SIPA1L2: variants seen among roughly 807,000 people sequenced by gnomAD.
SIPA1L2 encodes signal-induced proliferation-associated 1-like protein 2.
In SIPA1L2, 56 loss-of-function variants were observed where a neutral mutation model predicts 163.9. The ratio of observed to expected loss-of-function variants is 0.34; its 90% CI spans 0.28 to 0.43. SIPA1L2 has a LOEUF of 0.43. SIPA1L2 is among the 20% of genes least tolerant of loss of function. The pLI is 1.00. For synonymous variants in SIPA1L2, 877 were observed against 865.7 expected (o/e 1.01, Z -0.23); for missense variants, 1,974 against 2,193.5 (o/e 0.90, Z 2.00).
intron 3 of SIPA1L2, among the ~76,000 whole-genome samples, chr1:232,509,634 GC>G (rs1666889214): frequency 6.6e-6 from 1 of 152,190 alleles, no homozygotes; most frequent in Non-Finnish European, 1.5e-5. Context: ...AGTGGCTGAA[GC>G]GGGAATGGGA....
At position 232,460,896 on chromosome 1, in the gene SIPA1L2, G is replaced by A. The variant is rs757437957; in HGVS notation, c.3086C>T (p.Ser1029Leu). The A allele has an allele frequency of 2.5e-6, 4 of 1,612,934 alleles. No individual in the cohort carries two copies. Among genetic ancestry groups the A allele is most frequent in the East Asian group, 2.2e-5 (1 of 44,830 alleles). Residue 1029 changes from serine to leucine, a missense_variant, in exon 10 of 23, where the codon TCG (serine) becomes TTG (leucine). Physicochemically the swap from Ser to Leu is moderately radical, Grantham distance 145. Coordinates refer to ENST00000674635, the MANE Select transcript of SIPA1L2 (RefSeq NM_020808.5). The stretch of plus-strand genomic sequence containing the variant: ...GCCTCCCACGCCTTACCTTCGGGGC[G>A]AGCCGTCATCATGGGGCTGGATGAT... Reference protein sequence around the residue: ...VVIIQPHDDGSPRRGCSELCR... With the variant: ...VVIIQPHDDGLPRRGCSELCR...
intron 2 of SIPA1L2, among the ~76,000 whole-genome samples, chr1:232,568,885 C>A (rs183561399): frequency 2.0e-5 from 3 of 152,308 alleles, no homozygotes; most frequent in Non-Finnish European, 4.4e-5. Flanking sequence ...CACTAGTATT[C>A]TCCCAGTATT....
At chr1:232,431,317 A>G (rs1662226005) in intron 16 of SIPA1L2, among the ~76,000 whole-genome samples, 1 of 152,234 alleles carries the variant, frequency 6.6e-6, no homozygotes, top group Admixed American at 6.5e-5. Flanking sequence ...AATGACTGAC[A>G]TGATTTTTTT....
At chr1:232,548,329 TC>T (rs1343621573) in intron 2 of SIPA1L2, among the ~76,000 whole-genome samples, 2 of 152,082 alleles carry the variant, frequency 1.3e-5, no homozygotes, top group Non-Finnish European at 1.5e-5. Flanking sequence ...CCACCCTGAC[TC>T]CCTAGGGGAT....
At position 232,408,727 on chromosome 1, in the gene SIPA1L2, T is replaced by C. The variant is rs192804488; in HGVS notation, c.4763-4549A>G. On this transcript the variant is annotated intron_variant, in intron 19 of 22. Transcript: ENST00000674635. ...TTTGTTTACTGTGGGTTTGGTGTTT[T>C]TTTGCTGGGTAAGTTCCTTTACGTA... is the stretch of plus-strand genomic sequence containing the variant. Among the ~76,000 whole-genome samples, 18 of 152,326 alleles carry C rather than the reference T, an allele frequency of 1.2e-4. No homozygotes were observed. In the East Asian group the frequency reaches 1.5e-3, roughly 13 times the overall value.
intron 6 of SIPA1L2, among the ~76,000 whole-genome samples, chr1:232,481,469 G>C (rs564845848): frequency 0.018 from 1,600 of 88,430 alleles, 32 homozygotes; most frequent in African/African-American, 0.059. Context: ...GATGCATTGC[G>C]GGGGGGAAAA....
At chr1:232,459,082 A>T (rs1664086935) in intron 10 of SIPA1L2, among the ~76,000 whole-genome samples, 1 of 152,244 alleles carries the variant, frequency 6.6e-6, no homozygotes, top group African/African-American at 2.4e-5. Flanking sequence ...TGCTAAGATA[A>T]CTAATAGAGA....
At chr1:232,432,615 C>G in intron 15 of SIPA1L2, 144 bp from the exon 16 acceptor site, 4 of 702,276 alleles carry the variant, frequency 5.7e-6, no homozygotes, top group Non-Finnish European at 4.8e-6. Context: ...AGCCTTCTTT[C>G]TACCATGGAG....
At position 232,586,572 on chromosome 1, in the gene SIPA1L2, C is replaced by A. The variant is rs573729125; in HGVS notation, c.-318-12350G>T. Among the ~76,000 whole-genome samples the A allele has an allele frequency of 9.2e-5, 14 of 152,304 alleles. No individual in the cohort carries two copies. The South Asian group carries it at 1.7e-3, about 18-fold the overall frequency. On this transcript the variant is annotated intron_variant, in intron 1 of 22. Transcript: ENST00000674635. Reference sequence around the variant, plus strand: ...AATAAAATGGGTCAAAATATCAACTCACACAAAAACAGCTACTCTAAATGA... The same window carrying A: ...AATAAAATGGGTCAAAATATCAACTAACACAAAAACAGCTACTCTAAATGA...
At chr1:232,619,413 T>C (rs1350416656) in intron 1 of SIPA1L2, among the ~76,000 whole-genome samples, 1 of 152,226 alleles carries the variant, frequency 6.6e-6, no homozygotes, top group African/African-American at 2.4e-5. Flanking sequence ...TCTGCCCAAG[T>C]TAGTTAGTTC....
At chr1:232,557,686 C>T (rs774844210) in intron 2 of SIPA1L2, among the ~76,000 whole-genome samples, 14 of 152,336 alleles carry the variant, frequency 9.2e-5, no homozygotes, top group African/African-American at 1.2e-4. Flanking sequence ...CACAACCCAA[C>T]ATTACCATTA....
intron 14 of SIPA1L2, 55 bp downstream of exon 14, chr1:232,441,236 T>A: frequency 7.3e-7 from 1 of 1,362,712 alleles, no homozygotes; most frequent in South Asian, 1.4e-5. Context: ...CACTGTGTGC[T>A]GAGACAGATC....
rs550620418 is a variant in SIPA1L2 at position 232,466,758 on chromosome 1, T to C, written c.2244-1342A>G. Reference sequence around the variant, plus strand: ...GTGAGCCGAGATCACGCCACTGCACTCCAGCCTGGGCGACAAAGCAAGACT... The same window carrying C: ...GTGAGCCGAGATCACGCCACTGCACCCCAGCCTGGGCGACAAAGCAAGACT... On this transcript the variant is annotated intron_variant, in intron 8 of 22. Coordinates refer to ENST00000674635, the MANE Select transcript of SIPA1L2 (RefSeq NM_020808.5). Among the ~76,000 whole-genome samples the C allele has an allele frequency of 3.9e-5, 6 of 152,108 alleles. No individual in the cohort carries two copies. In the East Asian group the frequency reaches 9.7e-4, roughly 25 times the overall value.
At chr1:232,613,354 C>T (rs774409012) in intron 1 of SIPA1L2, among the ~76,000 whole-genome samples, 2 of 152,184 alleles carry the variant, frequency 1.3e-5, no homozygotes, top group Admixed American at 6.5e-5. Flanking sequence ...TCACAAGACC[C>T]TTTATACTGA....
intron 10 of SIPA1L2, among the ~76,000 whole-genome samples, chr1:232,456,676 GTCACCT>G (rs1267863429): frequency 5.9e-5 from 9 of 152,102 alleles, no homozygotes; most frequent in Admixed American, 5.9e-4. Context: ...TAGAATGTCA[GTCACCT>G]TTGAAGGCCA....
At chr1:232,623,958 C>G (rs917616169) in intron 1 of SIPA1L2, among the ~76,000 whole-genome samples, 1 of 151,688 alleles carries the variant, frequency 6.6e-6, no homozygotes, top group Non-Finnish European at 1.5e-5. Context: ...GATACAAATG[C>G]CCTTGAGATG....
chr1:232,452,233 C>T (rs185130239), intron 10 of SIPA1L2, among the ~76,000 whole-genome samples: 136 of 152,070 alleles, frequency 8.9e-4, no homozygotes, highest in African/African-American at 3.1e-3. Context: ...CTTCCTGATG[C>T]CTAAAGCTAA....
At chr1:232,475,499 A>G (rs116349321) in intron 7 of SIPA1L2, among the ~76,000 whole-genome samples, 1,597 of 152,318 alleles carry the variant, frequency 0.01, 32 homozygotes, top group African/African-American at 0.037. Flanking sequence ...AGAGTTTCCT[A>G]CGGAAAAAGT....
At chr1:232,616,503 C>A (rs1423725298) in intron 1 of SIPA1L2, among the ~76,000 whole-genome samples, 2 of 152,212 alleles carry the variant, frequency 1.3e-5, no homozygotes, top group African/African-American at 4.8e-5. Context: ...TCCACCTCAA[C>A]AAGCCTCAGC....
Sources: gnomAD v4.1 joint callset for allele counts (sites outside exome capture counted in the v4.1 genomes callset) on GRCh38, gnomAD v4.1.1 for gene constraint, MANE v1.5 for transcripts, NCBI Gene and HGNC (gene_info 2026-07-23, HGNC 2026-07-21) for gene names.